Variants in AK7 observed in about 807,000 individuals in gnomAD.
AK7 encodes the protein ATP-AMP transphosphorylase 7.
Under a neutral mutation model 96.6 loss-of-function variants are expected in AK7, and 78 were observed. The ratio of observed to expected loss-of-function variants is 0.81; its 90% CI spans 0.67 to 0.97. AK7 has a LOEUF of 0.97. AK7 is among the 50% of genes least tolerant of loss of function. AK7 has a pLI of 0.00. For missense variants in AK7, 855 were observed against 887.9 expected, an observed-to-expected ratio of 0.96 and a Z score of 0.47; for synonymous variants, 302 against 317.2, an observed-to-expected ratio of 0.95 and a Z score of 0.51.
chr14:96,468,196 T>C (rs1469462971), intron 12 of AK7, among the ~76,000 whole-genome samples: 3 of 134,908 alleles, frequency 2.2e-5, no homozygotes, highest in Non-Finnish European at 3.0e-5. Context: ...CTAGCCTGAG[T>C]GACAGGAGAC....
intron 10 of AK7, among the ~76,000 whole-genome samples, chr14:96,454,680 T>G (rs1280603152): frequency 6.9e-6 from 1 of 145,772 alleles, no homozygotes; most frequent in East Asian, 2.1e-4. Context: ...TTTTTTTTTG[T>G]AGAGACAGGG....
At chr14:96,437,613 G>A (rs1892710381) in intron 5 of AK7, among the ~76,000 whole-genome samples, 1 of 152,104 alleles carries the variant, frequency 6.6e-6, no homozygotes, top group African/African-American at 2.4e-5. Context: ...ATTTAATTAG[G>A]AGTCCTTGTT....
chr14:96,481,016 G>A (rs1895475334), intron 15 of AK7, among the ~76,000 whole-genome samples: 2 of 152,056 alleles, frequency 1.3e-5, no homozygotes, highest in Non-Finnish European at 2.9e-5. Flanking sequence ...CTCTTTCTTT[G>A]GGCCAGTGTA....
At chr14:96,481,626 G>A (rs138980163) in intron 15 of AK7, among the ~76,000 whole-genome samples, 17,882 of 151,670 alleles carry the variant, frequency 0.12, 1,135 homozygotes, top group South Asian at 0.18. Flanking sequence ...GATTACAGGC[G>A]TGAGCCACCA....
rs1895142197 is a variant in AK7, at chr14:96,475,802, A to G, written c.1556-2663A>G. On this transcript the variant is annotated intron_variant, in intron 14 of 17. Coordinates refer to ENST00000267584, the MANE Select transcript of AK7 (RefSeq NM_152327.5). ...GCATGGGCAATATAGCAAGACCCCC[A>G]TCTCCACACACACAAAAACATTCTT... Among the ~76,000 whole-genome samples the G allele has an allele frequency of 2.6e-5, 4 of 151,972 alleles. No homozygotes were observed. In the South Asian group the frequency reaches 8.3e-4, roughly 32 times the overall value.
At chr14:96,483,410 GTT>G (rs59424847) in intron 16 of AK7, among the ~76,000 whole-genome samples, 191 bp downstream of exon 16, 3 of 146,582 alleles carry the variant, frequency 2.0e-5, no homozygotes, top group Non-Finnish European at 4.5e-5. Flanking sequence ...CTTTTGCTTA[GTT>G]TTTTTTTTTT....
At position 96,460,413 on chromosome 14, in the gene AK7, A is replaced by C. The variant is rs574000120; in HGVS notation, c.1357+2201A>C. ...TGCTGGTGGCCATTTCTGATCCTCC[A>C]GGGATCAAGGACAGGGGAGAAGGAC... On this transcript the variant is annotated intron_variant, in intron 12 of 17. Transcript: ENST00000267584. 1.8e-4 allele frequency among the ~76,000 whole-genome samples: 27 copies of C among 152,190 alleles called. No homozygotes were observed. The South Asian group carries it at 5.4e-3, about 30-fold the overall frequency.
intron 11 of AK7, 133 bp downstream of exon 11, chr14:96,456,608 AG>A: frequency 9.6e-7 from 1 of 1,043,264 alleles, no homozygotes; most frequent in Non-Finnish European, 1.4e-6. Context: ...GCAACATCCA[AG>A]GTGTCCTAAT....
chr14:96,454,761 G>A (rs767290954), intron 10 of AK7, among the ~76,000 whole-genome samples: 5 of 151,248 alleles, frequency 3.3e-5, no homozygotes, highest in Admixed American at 2.0e-4. Context: ...GCTCAGGCTC[G>A]CCTCAAACTC....
At chr14:96,483,956 A>G (rs1405409609) in intron 16 of AK7, among the ~76,000 whole-genome samples, 1 of 150,558 alleles carries the variant, frequency 6.6e-6, no homozygotes, top group Admixed American at 6.6e-5. Flanking sequence ...TAGGCTGGGC[A>G]TGGTGGTTCA....
At chr14:96,443,160 A>G (rs181480626) in intron 7 of AK7, among the ~76,000 whole-genome samples, 37 of 152,332 alleles carry the variant, frequency 2.4e-4, no homozygotes, top group African/African-American at 8.7e-4. Flanking sequence ...TGAGATTAAT[A>G]TGTCTAACCC....
At chr14:96,449,108 C>T (rs1363165664) in intron 8 of AK7, among the ~76,000 whole-genome samples, 1 of 152,112 alleles carries the variant, frequency 6.6e-6, no homozygotes, top group Non-Finnish European at 1.5e-5. Flanking sequence ...TTTTATAAGA[C>T]ACTAATCTCA....
At chr14:96,440,279 T>A (rs1324032537) in intron 6 of AK7, among the ~76,000 whole-genome samples, 2 of 152,066 alleles carry the variant, frequency 1.3e-5, no homozygotes, top group Non-Finnish European at 2.9e-5. Context: ...GGCCTCGAAC[T>A]GATTTTTTTA....
At chr14:96,400,423 G>T (rs1419181101) in intron 2 of AK7, among the ~76,000 whole-genome samples, 1 of 152,122 alleles carries the variant, frequency 6.6e-6, no homozygotes, top group Admixed American at 6.5e-5. Flanking sequence ...GTGTTGGACC[G>T]CATGTAATAG....
chr14:96,468,364 C>T (rs890995988), intron 12 of AK7, among the ~76,000 whole-genome samples: 2 of 141,536 alleles, frequency 1.4e-5, no homozygotes, highest in Admixed American at 7.6e-5. Flanking sequence ...TGCGCGATCT[C>T]GGCTCACTGC....
intron 13 of AK7, among the ~76,000 whole-genome samples, chr14:96,472,125 A>G (rs954501507): frequency 6.6e-6 from 1 of 152,114 alleles, no homozygotes. Flanking sequence ...CACTTAGCAT[A>G]ATGTCCTCAA....
intron 9 of AK7, among the ~76,000 whole-genome samples, 197 bp from the exon 10 acceptor site, chr14:96,451,224 A>C (rs1893583360): frequency 6.6e-6 from 1 of 152,212 alleles, no homozygotes; most frequent in African/African-American, 2.4e-5. Flanking sequence ...GCCCGCCATC[A>C]GAGTAGACAT....
chr14:96,407,685 C>A (rs1038118451), intron 3 of AK7, among the ~76,000 whole-genome samples: 2 of 150,726 alleles, frequency 1.3e-5, no homozygotes, highest in Non-Finnish European at 3.0e-5. Flanking sequence ...GGGTACACGC[C>A]ATTCTCCTGC....
intron 1 of AK7, among the ~76,000 whole-genome samples, chr14:96,392,809 C>T (rs1338062071): frequency 2.0e-5 from 3 of 151,962 alleles, no homozygotes; most frequent in Non-Finnish European, 2.9e-5. Context: ...ACTACAGGCG[C>T]CCGACACCGC....
Sources: gnomAD v4.1 joint callset for allele counts (sites outside exome capture counted in the v4.1 genomes callset) on GRCh38, gnomAD v4.1.1 for gene constraint, MANE v1.5 for transcripts, NCBI Gene and HGNC (gene_info 2026-07-23, HGNC 2026-07-21) for gene names.